Variants in TENM2 observed in about 807,000 individuals in gnomAD.
The protein encoded by TENM2 is teneurin transmembrane protein 2.
In TENM2, 52 loss-of-function variants were observed where a neutral mutation model predicts 245.2. The ratio of observed to expected loss-of-function variants is 0.21; its 90% CI spans 0.17 to 0.27. The LOEUF is 0.27. Ranked by LOEUF, TENM2 falls within the 10% of genes least tolerant of loss-of-function variation. The pLI is 1.00. For synonymous variants in TENM2, 1,363 were observed against 1,438.9 expected, an observed-to-expected ratio of 0.95 and a Z score of 1.19; for missense variants, 3,046 against 3,666.8, an observed-to-expected ratio of 0.83 and a Z score of 4.37.
chr5:167,872,548 GAGA>G (rs1773056405), intron 2 of TENM2, among the ~76,000 whole-genome samples: 1 of 65,438 alleles, frequency 1.5e-5, no homozygotes, highest in Admixed American at 1.4e-4. Context: ...AAGAAAGAAA[GAGA>G]AAGAAAGAAA....
At chr5:168,093,747 T>C (rs1000184933) in intron 8 of TENM2, among the ~76,000 whole-genome samples, 4 of 152,130 alleles carry the variant, frequency 2.6e-5, no homozygotes, top group Non-Finnish European at 4.4e-5. Context: ...CACTTCTTCC[T>C]CAAGAAAATG....
chr5:167,010,866 T>A, the TENM2 span, among the ~76,000 whole-genome samples: 1 of 152,212 alleles, frequency 6.6e-6, no homozygotes, highest in Admixed American at 6.5e-5. Flanking sequence ...TAGAAGATGA[T>A]CAACAAATGT....
chr5:167,428,351 T>C (rs1448197866), intron 2 of TENM2, among the ~76,000 whole-genome samples: 1 of 152,182 alleles, frequency 6.6e-6, no homozygotes, highest in Admixed American at 6.5e-5. Context: ...TAAATTTTGT[T>C]TTGCAAACTT....
intron 2 of TENM2, among the ~76,000 whole-genome samples, chr5:167,511,813 A>G (rs959286535): frequency 1.3e-5 from 2 of 152,220 alleles, no homozygotes; most frequent in Non-Finnish European, 2.9e-5. Context: ...ACAACCACAC[A>G]TTTAGTCAGT....
the TENM2 span, among the ~76,000 whole-genome samples, chr5:167,233,178 G>A: frequency 5.9e-5 from 9 of 152,180 alleles, no homozygotes; most frequent in East Asian, 1.5e-3. Flanking sequence ...TGCAAAGTCT[G>A]ACCTTGCTGT....
intron 2 of TENM2, among the ~76,000 whole-genome samples, chr5:167,506,054 C>T (rs529129584): frequency 1.4e-4 from 21 of 152,068 alleles, no homozygotes; most frequent in Admixed American, 2.6e-4. Context: ...AGGCATAAAA[C>T]ATTAGTAGGA....
At chr5:167,342,755 C>A (rs1202058877) in intron 1 of TENM2, among the ~76,000 whole-genome samples, 97 of 151,962 alleles carry the variant, frequency 6.4e-4, no homozygotes, top group African/African-American at 2.3e-3. Context: ...TCTCGATCTC[C>A]TGACCTCATG....
At chr5:167,142,806 T>A in the TENM2 span, among the ~76,000 whole-genome samples, 1 of 152,302 alleles carries the variant, frequency 6.6e-6, no homozygotes, top group East Asian at 1.9e-4. Flanking sequence ...CACCTTGGAC[T>A]CCCAAAGTGC....
At chr5:167,929,070 A>G (rs1406775248) in intron 3 of TENM2, among the ~76,000 whole-genome samples, 2 of 32,304 alleles carry the variant, frequency 6.2e-5, no homozygotes, top group Admixed American at 6.0e-4. Context: ...AGAAAGAAAG[A>G]AAGAAAGAAA....
rs557054514 is a variant in TENM2 at position 168,157,270 on chromosome 5, C to T, written c.2423-5341C>T. Among the ~76,000 whole-genome samples, 5 of 152,206 alleles carry T rather than the reference C, an allele frequency of 3.3e-5. No homozygotes were observed. The South Asian group carries it at 1.0e-3, about 32-fold the overall frequency. On this transcript the variant is annotated intron_variant, in intron 12 of 28. Transcript: ENST00000518659. Reference sequence around the variant, plus strand: ...CGAGTGGCTTAAGTCTAACCAAAGCCTAAAGTGATATTGAGATAGGCTGAT... The same window carrying T: ...CGAGTGGCTTAAGTCTAACCAAAGCTTAAAGTGATATTGAGATAGGCTGAT...
At chr5:167,801,107 AAAATATATATAT>A (rs1345283661) in intron 2 of TENM2, among the ~76,000 whole-genome samples, 9 of 63,748 alleles carry the variant, frequency 1.4e-4, no homozygotes, top group East Asian at 1.2e-3. Context: ...AAAAAAAAAA[AAAATATATATAT>A]ATATATATAT....
In TENM2 at chr5:167,607,819, GC is replaced by G. The variant is rs759781163; in HGVS notation, c.502+232349del. Among the ~76,000 whole-genome samples the G allele has an allele frequency of 1.4e-4, 22 of 152,302 alleles. No homozygotes were observed. The East Asian group carries it at 3.7e-3, about 25-fold the overall frequency. ...GCTTCCAGTCTAGTCTAGGCGATAT[GC>G]CCAGTGTAATAATGAGGCCTCAAAG... On this transcript the variant is annotated intron_variant, in intron 2 of 28. Transcript: ENST00000518659.
At chr5:167,219,640 CATT>C in the TENM2 span, among the ~76,000 whole-genome samples, 1 of 152,200 alleles carries the variant, frequency 6.6e-6, no homozygotes, top group African/African-American at 2.4e-5. Flanking sequence ...GACAATTAAG[CATT>C]AGCTTTTGTT....
rs1483412534 is a variant in TENM2 at position 168,033,564 on chromosome 5, GTTAA to G, written c.1187-13860_1187-13857del. On this transcript the variant is annotated intron_variant, in intron 5 of 28. Coordinates refer to ENST00000518659, the Ensembl canonical transcript of TENM2. ...TAGCCTGGCACACTCCCAGACCTCA[GTTAA>G]TTGTAGTTTTTTAGACAGAAGTTTT... 3.9e-5 allele frequency among the ~76,000 whole-genome samples: 6 copies of G among 152,244 alleles called. No individual in the cohort carries two copies. In the East Asian group the frequency reaches 1.2e-3, roughly 29 times the overall value.
At chr5:167,825,772 T>C (rs1488899008) in intron 2 of TENM2, among the ~76,000 whole-genome samples, 2 of 152,028 alleles carry the variant, frequency 1.3e-5, no homozygotes, top group Admixed American at 1.3e-4. Flanking sequence ...TTAATATTTG[T>C]TGAAGTGACT....
chr5:167,178,191 T>C, the TENM2 span, among the ~76,000 whole-genome samples: 4 of 152,204 alleles, frequency 2.6e-5, no homozygotes, highest in Non-Finnish European at 4.4e-5. Flanking sequence ...AGCTGGCTTT[T>C]TAAAATCACA....
chr5:167,812,799 G>C (rs1467448538), intron 2 of TENM2, among the ~76,000 whole-genome samples: 1 of 152,066 alleles, frequency 6.6e-6, no homozygotes, highest in Non-Finnish European at 1.5e-5. Flanking sequence ...TATGACCAAG[G>C]GACAAAGCAA....
chr5:167,801,356 C>A (rs1231346903), intron 2 of TENM2, among the ~76,000 whole-genome samples: 1 of 151,740 alleles, frequency 6.6e-6, no homozygotes, highest in African/African-American at 2.4e-5. Flanking sequence ...ATATGCCTGG[C>A]AGAGTGTTAG....
the TENM2 span, among the ~76,000 whole-genome samples, chr5:166,993,228 C>T: frequency 2.0e-5 from 3 of 152,160 alleles, no homozygotes; most frequent in Non-Finnish European, 2.9e-5. Flanking sequence ...TACCCAGAAG[C>T]GGACCCTTGG....
Sources: allele counts gnomAD v4.1 joint callset (sites outside exome capture counted in the v4.1 genomes callset), GRCh38; gene constraint gnomAD v4.1.1; transcripts MANE v1.5; gene names NCBI Gene and HGNC (gene_info 2026-07-23, HGNC 2026-07-21).